CFTR: variants seen among roughly 807,000 people sequenced by gnomAD.
CFTR encodes cystic fibrosis transmembrane conductance regulator.
Under a neutral mutation model 171.6 loss-of-function variants are expected in CFTR, and 181 were observed. The ratio of observed to expected loss-of-function variants is 1.05; its 90% CI spans 0.93 to 1.19. CFTR has a LOEUF of 1.19. CFTR is among the 50% of genes most tolerant of loss of function. The pLI, the probability that CFTR is intolerant of heterozygous loss-of-function variation, is 0.00. For synonymous variants in CFTR, 583 were observed against 608.0 expected, an observed-to-expected ratio of 0.96 and a Z score of 0.60; for missense variants, 1,968 against 1,734.7, an observed-to-expected ratio of 1.13 and a Z score of -2.39.
chr7:117,549,028 C>T (rs1799221246), intron 10 of CFTR, among the ~76,000 whole-genome samples: 1 of 152,248 alleles, frequency 6.6e-6, no homozygotes, highest in African/African-American at 2.4e-5. Context: ...TTTTCAGTGG[C>T]TTTTTCTTCC....
chr7:117,559,209 A>T (rs892953969), intron 10 of CFTR, among the ~76,000 whole-genome samples: 1 of 152,186 alleles, frequency 6.6e-6, no homozygotes, highest in Non-Finnish European at 1.5e-5. Context: ...TATCTGAATC[A>T]TGTGCCCCTT....
rs748045283 is a variant in CFTR, at chr7:117,592,490, C to T, written c.2323C>T (p.His775Tyr). Residue 775 changes from histidine to tyrosine, a missense_variant, in exon 14 of 27, where the codon CAC becomes TAC. By Grantham distance (83) the His-to-Tyr change is moderately conservative. Coordinates refer to ENST00000003084, the MANE Select transcript of CFTR (RefSeq NM_000492.4). ...GCAGTCTGTCCTGAACCTGATGACACACTCAGTTAACCAAGGTCAGAACAT... is the reference window on the plus strand; with the variant it reads ...GCAGTCTGTCCTGAACCTGATGACATACTCAGTTAACCAAGGTCAGAACAT... ...RRQSVLNLMTHSVNQGQNIHR... is the reference protein window; with the variant it reads ...RRQSVLNLMTYSVNQGQNIHR... 1.3e-6 allele frequency: 2 copies of T among 1,546,902 alleles called. No individual in the cohort carries two copies. Among genetic ancestry groups the T allele is most frequent in the East Asian group, 2.3e-5 (1 of 44,316 alleles).
At position 117,664,718 on chromosome 7, in the gene CFTR, C is replaced by T; in HGVS notation, c.3994C>T (p.Pro1332Ser). The T allele has an allele frequency of 6.2e-6, 10 of 1,613,958 alleles. No individual in the cohort carries two copies. Among genetic ancestry groups the T allele is most frequent in the Non-Finnish European group, 8.5e-6 (10 of 1,179,900 alleles). Residue 1332 changes from proline to serine, a missense_variant, in exon 25 of 27, where the codon CCT (proline) becomes TCT (serine). Transcript: ENST00000003084. The part of the protein sequence containing the change: ...VGLRSVIEQF[P>S]GKLDFVLVDG... Reference sequence around the variant, plus strand: ...GCTCAGATCTGTGATAGAACAGTTTCCTGGGAAGCTTGACTTTGTCCTTGT... The same window carrying T: ...GCTCAGATCTGTGATAGAACAGTTTTCTGGGAAGCTTGACTTTGTCCTTGT...
intron 20 of CFTR, among the ~76,000 whole-genome samples, chr7:117,612,234 TACACAC>T (rs112904263): frequency 2.8e-5 from 4 of 140,842 alleles, no homozygotes; most frequent in Non-Finnish European, 4.6e-5. Context: ...CATCCGCATT[TACACAC>T]ACACACACAC....
intron 3 of CFTR, among the ~76,000 whole-genome samples, chr7:117,521,008 T>C (rs916912460): frequency 6.6e-6 from 1 of 152,016 alleles, no homozygotes; most frequent in African/African-American, 2.4e-5. Context: ...AGACTCTCCA[T>C]TTATTTGAGA....
At chr7:117,579,001 G>C (rs566910094) in intron 11 of CFTR, among the ~76,000 whole-genome samples, 1 of 151,806 alleles carries the variant, frequency 6.6e-6, no homozygotes, top group Non-Finnish European at 1.5e-5. Context: ...AAACATGTTA[G>C]CTATATGATA....
chr7:117,598,818 T>A (rs1264365036), intron 15 of CFTR, among the ~76,000 whole-genome samples: 3 of 152,184 alleles, frequency 2.0e-5, no homozygotes, highest in African/African-American at 7.2e-5. Context: ...CTGGGCCCAT[T>A]TTCTCATTTA....
At chr7:117,574,824 C>T (rs1018307352) in intron 11 of CFTR, among the ~76,000 whole-genome samples, 1 of 151,996 alleles carries the variant, frequency 6.6e-6, no homozygotes. Context: ...TTGTGTGTGG[C>T]TTTAAAATTT....
chr7:117,661,240 T>C (rs35924144), intron 24 of CFTR, among the ~76,000 whole-genome samples: 7,376 of 152,292 alleles, frequency 0.048, 614 homozygotes, highest in African/African-American at 0.17. Context: ...AAAAGCTTTT[T>C]ACTATACTTC....
intron 21 of CFTR, among the ~76,000 whole-genome samples, chr7:117,618,583 G>A (rs936063029): frequency 3.9e-5 from 6 of 152,060 alleles, no homozygotes; most frequent in African/African-American, 1.4e-4. Flanking sequence ...TCTAAATGAT[G>A]TATCCAACTA....
At chr7:117,660,942 A>G (rs1224817866) in intron 24 of CFTR, among the ~76,000 whole-genome samples, 1 of 152,132 alleles carries the variant, frequency 6.6e-6, no homozygotes, top group African/African-American at 2.4e-5. Context: ...CAGAGTACCT[A>G]GAATTTAATA....
chr7:117,534,515 T>C, intron 5 of CFTR, 150 bp downstream of exon 5: 1 of 658,864 alleles, frequency 1.5e-6, no homozygotes, highest in Admixed American at 2.2e-5. Flanking sequence ...GAAAGGTCAA[T>C]TGTATAGCAG....
chr7:117,628,336 G>A (rs1344499462), intron 22 of CFTR, among the ~76,000 whole-genome samples: 2 of 152,086 alleles, frequency 1.3e-5, no homozygotes, highest in African/African-American at 4.8e-5. Flanking sequence ...ACACATAGAA[G>A]GAACTTAATA....
At position 117,664,733 on chromosome 7, in the gene CFTR, T is replaced by G. The variant is rs397508659; in HGVS notation, c.4009T>G (p.Phe1337Val). ...AGAACAGTTTCCTGGGAAGCTTGACTTTGTCCTTGTGGATGGGGGCTGTGT... is the reference window on the plus strand; with the variant it reads ...AGAACAGTTTCCTGGGAAGCTTGACGTTGTCCTTGTGGATGGGGGCTGTGT... Reference protein sequence around the residue: ...VIEQFPGKLDFVLVDGGCVLS... With the variant: ...VIEQFPGKLDVVLVDGGCVLS... The change falls in exon 25 of 27, where the codon TTT becomes GTT. Residue 1337 changes from phenylalanine to valine, a missense_variant. By Grantham distance (50) the Phe-to-Val change is conservative. Coordinates refer to ENST00000003084, the MANE Select transcript of CFTR (RefSeq NM_000492.4). 53 of 1,613,924 alleles carry G rather than the reference T, an allele frequency of 3.3e-5. No individual in the cohort carries two copies. In the South Asian group the frequency reaches 5.6e-4, roughly 17 times the overall value.
At chr7:117,549,694 G>A (rs1799235748) in intron 10 of CFTR, among the ~76,000 whole-genome samples, 1 of 152,120 alleles carries the variant, frequency 6.6e-6, no homozygotes, top group Non-Finnish European at 1.5e-5. Flanking sequence ...TTTAGCTGTG[G>A]TACTTTGTAG....
intron 11 of CFTR, among the ~76,000 whole-genome samples, chr7:117,566,640 T>C (rs2115960982): frequency 6.6e-6 from 1 of 151,478 alleles, no homozygotes; most frequent in Non-Finnish European, 1.5e-5. Flanking sequence ...CAAACAGGAA[T>C]GCCATAGCAT....
chr7:117,523,634 C>T (rs989892702), intron 3 of CFTR, among the ~76,000 whole-genome samples: 3 of 152,206 alleles, frequency 2.0e-5, no homozygotes, highest in African/African-American at 4.8e-5. Context: ...GCCTCGGCCT[C>T]CCAAAGTGCT....
chr7:117,548,124 A>G (rs1292642452), intron 9 of CFTR, among the ~76,000 whole-genome samples: 1 of 152,184 alleles, frequency 6.6e-6, no homozygotes, highest in African/African-American at 2.4e-5. Context: ...TTACTTAAAG[A>G]AATGCTTTGA....
At chr7:117,624,934 C>T (rs1792629878) in intron 21 of CFTR, among the ~76,000 whole-genome samples, 1 of 152,190 alleles carries the variant, frequency 6.6e-6, no homozygotes, top group South Asian at 2.1e-4. Context: ...GATGTGGCCT[C>T]TCCTTCCAGA....
Sources: gnomAD v4.1 joint callset for allele counts (sites outside exome capture counted in the v4.1 genomes callset) on GRCh38, gnomAD v4.1.1 for gene constraint, MANE v1.5 for transcripts, NCBI Gene and HGNC (gene_info 2026-07-23, HGNC 2026-07-21) for gene names.